ANKS1B: variants seen among roughly 807,000 people sequenced by gnomAD.
ANKS1B encodes ankyrin repeat and sterile alpha motif domain containing 1B, also known as ankyrin repeat and sterile alpha motif domain-containing protein 1B.
ANKS1B carries 36 observed loss-of-function variants against 148.3 expected under a neutral mutation model. The ratio of observed to expected loss-of-function variants is 0.24; its 90% CI spans 0.19 to 0.32. The LOEUF is 0.32. Ranked by LOEUF, ANKS1B falls within the 10% of genes least tolerant of loss-of-function variation. ANKS1B has a pLI of 1.00. For synonymous variants in ANKS1B, 542 were observed against 560.8 expected, an observed-to-expected ratio of 0.97 and a Z score of 0.47; for missense variants, 1,157 against 1,542.6, an observed-to-expected ratio of 0.75 and a Z score of 4.19.
At chr12:99,017,579 G>C (rs1018726759) in intron 17 of ANKS1B, among the ~76,000 whole-genome samples, 5 of 152,114 alleles carry the variant, frequency 3.3e-5, no homozygotes, top group Non-Finnish European at 5.9e-5. Context: ...GGTAGACTCA[G>C]CATACGAAGA....
intron 20 of ANKS1B, among the ~76,000 whole-genome samples, chr12:98,803,353 A>C (rs1468228473): frequency 6.6e-6 from 1 of 152,144 alleles, no homozygotes; most frequent in Admixed American, 6.5e-5. Flanking sequence ...ATCATCCTCT[A>C]ATCTCCCCCA....
At chr12:99,287,809 C>A (rs535860536) in intron 12 of ANKS1B, among the ~76,000 whole-genome samples, 1 of 151,998 alleles carries the variant, frequency 6.6e-6, no homozygotes, top group South Asian at 2.1e-4. Flanking sequence ...GTTGATCAAA[C>A]AGAAGAAAGA....
chr12:99,699,359 CTTAAT>C (rs764271188), intron 8 of ANKS1B, among the ~76,000 whole-genome samples: 2 of 152,176 alleles, frequency 1.3e-5, no homozygotes, highest in African/African-American at 4.8e-5. Context: ...TAATTACTTA[CTTAAT>C]TTATGTTTTG....
chr12:99,901,485 G>A (rs1217995589), intron 1 of ANKS1B, among the ~76,000 whole-genome samples: 1 of 152,206 alleles, frequency 6.6e-6, no homozygotes. Context: ...GCAAAGGCAT[G>A]TGTAGGCTCT....
At chr12:99,202,310 C>T (rs1217515278) in intron 14 of ANKS1B, among the ~76,000 whole-genome samples, 1 of 152,232 alleles carries the variant, frequency 6.6e-6, no homozygotes, top group African/African-American at 2.4e-5. Context: ...CCCCCTTCTA[C>T]TCATCCTCTG....
rs1386144340 is a variant in ANKS1B, at chr12:99,566,776, T to C, written c.1273-62135A>G. Reference sequence around the variant, plus strand: ...ATGCTCTTGGACTTCCCAGCCTCCATAACCATGAACTAAATAAACATCTAT... The same window carrying C: ...ATGCTCTTGGACTTCCCAGCCTCCACAACCATGAACTAAATAAACATCTAT... On this transcript the variant is annotated intron_variant, in intron 9 of 26. Coordinates refer to ENST00000683438, the MANE Select transcript of ANKS1B (RefSeq NM_001352186.2). Among the ~76,000 whole-genome samples the C allele has an allele frequency of 3.3e-5, 5 of 152,164 alleles. No homozygotes were observed. The East Asian group carries it at 9.6e-4, about 29-fold the overall frequency.
chr12:99,325,927 G>A (rs1254986186), intron 12 of ANKS1B, among the ~76,000 whole-genome samples: 2 of 152,020 alleles, frequency 1.3e-5, no homozygotes, highest in Non-Finnish European at 2.9e-5. Context: ...AATTCAGCAT[G>A]GCTCGGAGGC....
chr12:99,038,926 G>A (rs146922077), intron 17 of ANKS1B, among the ~76,000 whole-genome samples: 36 of 152,270 alleles, frequency 2.4e-4, no homozygotes, highest in African/African-American at 7.5e-4. Flanking sequence ...CTTATAGTAT[G>A]TGCCACTAGC....
chr12:99,683,037 G>C (rs985150157), intron 8 of ANKS1B, among the ~76,000 whole-genome samples: 1 of 152,162 alleles, frequency 6.6e-6, no homozygotes, highest in Non-Finnish European at 1.5e-5. Context: ...ATGAGAGAAA[G>C]AGAATCAAGT....
intron 9 of ANKS1B, among the ~76,000 whole-genome samples, chr12:99,652,431 C>A (rs773384241): frequency 6.6e-6 from 1 of 151,842 alleles, no homozygotes; most frequent in Non-Finnish European, 1.5e-5. Context: ...CAAGATCGTA[C>A]CACTGCACTC....
intron 24 of ANKS1B, among the ~76,000 whole-genome samples, chr12:98,773,825 G>A (rs1354172555): frequency 3.3e-5 from 5 of 152,192 alleles, no homozygotes; most frequent in Admixed American, 1.3e-4. Context: ...ACCTGTAGCT[G>A]TGCAGCACTG....
intron 17 of ANKS1B, among the ~76,000 whole-genome samples, chr12:98,995,050 A>G (rs2153323590): frequency 6.6e-6 from 1 of 152,328 alleles, no homozygotes; most frequent in South Asian, 2.1e-4. Flanking sequence ...AGTAAGTGCT[A>G]TTTTAGCCAA....
At chr12:98,881,477 T>TTGTAGAGACAGGTATTACC (rs2152512662) in intron 17 of ANKS1B, among the ~76,000 whole-genome samples, 1 of 152,314 alleles carries the variant, frequency 6.6e-6, no homozygotes, top group South Asian at 2.1e-4. Context: ...GCATTCACTC[T>TTGTAGAGACAGGTATTACC]TGTAGAGACA....
chr12:99,968,516 C>T (rs557574512), intron 1 of ANKS1B, among the ~76,000 whole-genome samples: 2 of 152,268 alleles, frequency 1.3e-5, no homozygotes, highest in African/African-American at 4.8e-5. Flanking sequence ...CAAGATCGTG[C>T]CACTGCACTC....
intron 9 of ANKS1B, among the ~76,000 whole-genome samples, chr12:99,573,853 C>T (rs567546411): frequency 6.6e-6 from 1 of 152,116 alleles, no homozygotes; most frequent in Admixed American, 6.6e-5. Context: ...ATACGTCCAC[C>T]TATTCACTGG....
intron 1 of ANKS1B, among the ~76,000 whole-genome samples, chr12:99,844,006 G>A (rs765302795): frequency 1.3e-5 from 2 of 152,104 alleles, no homozygotes; most frequent in African/African-American, 4.8e-5. Flanking sequence ...GATAGGTGAT[G>A]TTGAGCTTTT....
At chr12:99,397,376 T>G (rs961004825) in intron 12 of ANKS1B, among the ~76,000 whole-genome samples, 3 of 152,112 alleles carry the variant, frequency 2.0e-5, no homozygotes, top group African/African-American at 7.2e-5. Flanking sequence ...CAGTTAGTAA[T>G]CAAACTTTGG....
chr12:99,699,264 T>C (rs1015013940), intron 8 of ANKS1B, among the ~76,000 whole-genome samples: 18 of 152,168 alleles, frequency 1.2e-4, no homozygotes, highest in African/African-American at 4.3e-4. Flanking sequence ...GGAAGAGAAG[T>C]CACCATTTTT....
intron 17 of ANKS1B, among the ~76,000 whole-genome samples, chr12:99,045,933 G>T (rs918879785): frequency 6.6e-6 from 1 of 152,178 alleles, no homozygotes; most frequent in Non-Finnish European, 1.5e-5. Context: ...GCCAGGCAGA[G>T]TATTAGAGAG....
Sources: gnomAD v4.1 joint callset for allele counts (sites outside exome capture counted in the v4.1 genomes callset) on GRCh38, gnomAD v4.1.1 for gene constraint, MANE v1.5 for transcripts, NCBI Gene and HGNC (gene_info 2026-07-23, HGNC 2026-07-21) for gene names.